WDFY4: variants seen among roughly 807,000 people sequenced by gnomAD.
The protein encoded by WDFY4 is WD repeat- and FYVE domain-containing protein 4.
WDFY4 carries 169 observed loss-of-function variants against 351.9 expected under a neutral mutation model. The observed-to-expected ratio is 0.48, with a 90% CI of 0.42 to 0.55. The LOEUF is 0.55. Ranked by LOEUF, WDFY4 falls within the 20% of genes least tolerant of loss-of-function variation. The pLI, the probability that WDFY4 is intolerant of heterozygous loss-of-function variation, is 0.00. For missense variants in WDFY4, 3,803 were observed against 3,935.6 expected (o/e 0.97, Z 0.90); for synonymous variants, 1,622 against 1,574.6 (o/e 1.03, Z -0.71).
chr10:48,685,330 G>A (rs909883348), intron 1 of WDFY4, among the ~76,000 whole-genome samples: 3 of 152,214 alleles, frequency 2.0e-5, no homozygotes, highest in Admixed American at 6.5e-5. Flanking sequence ...TCGGGGTCCT[G>A]CTATGAAGGG....
At chr10:48,769,597 T>C (rs1186245052) in intron 13 of WDFY4, among the ~76,000 whole-genome samples, 2 of 152,186 alleles carry the variant, frequency 1.3e-5, no homozygotes, top group African/African-American at 2.4e-5. Flanking sequence ...GCACTGGGCC[T>C]CTCTGGTGGT....
At chr10:48,801,410 C>T (rs1340736312) in intron 24 of WDFY4, 2 of 433,590 alleles carry the variant, frequency 4.6e-6, no homozygotes, top group East Asian at 7.3e-5. Context: ...TCTTAGTTCT[C>T]TCAGCCCTTA....
At chr10:48,829,552 A>G (rs2068117488) in intron 37 of WDFY4, among the ~76,000 whole-genome samples, 1 of 152,152 alleles carries the variant, frequency 6.6e-6, no homozygotes, top group Non-Finnish European at 1.5e-5. Context: ...ATGTTGTAAT[A>G]CAAGATTGTA....
At chr10:48,953,051 C>A (rs1323147942) in intron 51 of WDFY4, among the ~76,000 whole-genome samples, 1 of 152,184 alleles carries the variant, frequency 6.6e-6, no homozygotes, top group East Asian at 1.9e-4. Flanking sequence ...TCCCCACCCT[C>A]CTACCTCTGT....
chr10:48,800,183 C>T (rs557226840), intron 24 of WDFY4, among the ~76,000 whole-genome samples: 11 of 152,294 alleles, frequency 7.2e-5, no homozygotes, highest in South Asian at 2.1e-4. Flanking sequence ...CGCGCCCAGC[C>T]GGTTTCGTGT....
intron 39 of WDFY4, among the ~76,000 whole-genome samples, chr10:48,839,764 C>A (rs115000315): frequency 0.011 from 1,624 of 152,198 alleles, 28 homozygotes; most frequent in African/African-American, 0.037. Flanking sequence ...CTTTTGAGTA[C>A]GTAATTAAAG....
chr10:48,779,421 G>A (rs2066144962), intron 18 of WDFY4, among the ~76,000 whole-genome samples: 1 of 152,212 alleles, frequency 6.6e-6, no homozygotes, highest in African/African-American at 2.4e-5. Flanking sequence ...CTGTCCACTT[G>A]TTCTTCTCCT....
chr10:48,701,444 C>A (rs1390194574), intron 1 of WDFY4, among the ~76,000 whole-genome samples: 1 of 152,164 alleles, frequency 6.6e-6, no homozygotes, highest in Non-Finnish European at 1.5e-5. Context: ...TTGTAATTGA[C>A]CTACCTTGTC....
chr10:48,721,925 G>T lies in WDFY4; in HGVS notation c.456+558G>T, dbSNP rs544014887. 3.9e-5 allele frequency among the ~76,000 whole-genome samples: 6 copies of T among 152,202 alleles called. No individual in the cohort carries two copies. The South Asian group carries it at 1.2e-3, about 32-fold the overall frequency. On this transcript the variant is annotated intron_variant, in intron 4 of 61. Coordinates refer to ENST00000325239, the MANE Select transcript of WDFY4 (RefSeq NM_001394531.1). ...GACATTCCCTGTAGGTACCTGTCTC[G>T]CCCTCGCCCAGAGATGAGGGCTCTC...
chr10:48,719,917 T>C (rs1401299177), intron 2 of WDFY4, 94 bp from the exon 3 acceptor site: 6 of 1,152,164 alleles, frequency 5.2e-6, no homozygotes, highest in Non-Finnish European at 7.5e-6. Context: ...AGTCGAGCTG[T>C]CAGCTTGGGC....
intron 44 of WDFY4, among the ~76,000 whole-genome samples, chr10:48,893,998 C>T (rs931195202): frequency 1.3e-5 from 2 of 152,250 alleles, no homozygotes; most frequent in African/African-American, 4.8e-5. Context: ...GCCTGAAATT[C>T]GATTCATTTT....
intron 39 of WDFY4, among the ~76,000 whole-genome samples, chr10:48,843,028 A>G (rs1026304796): frequency 6.6e-6 from 1 of 152,218 alleles, no homozygotes; most frequent in Non-Finnish European, 1.5e-5. Flanking sequence ...CACTGAGGTT[A>G]TGCAAGCTCC....
chr10:48,923,082 A>C (rs1239774141), intron 47 of WDFY4, among the ~76,000 whole-genome samples: 2 of 152,038 alleles, frequency 1.3e-5, no homozygotes, highest in African/African-American at 4.8e-5. Flanking sequence ...AATAGTTGGG[A>C]CTCCATATTC....
chr10:48,833,166 T>TGC (rs1410407932), intron 39 of WDFY4, among the ~76,000 whole-genome samples: 2 of 131,404 alleles, frequency 1.5e-5, no homozygotes, highest in Non-Finnish European at 3.3e-5. Flanking sequence ...TGTGTGTGTG[T>TGC]GTGTGTGAGA....
At chr10:48,736,690 A>G (rs537810197) in intron 11 of WDFY4, among the ~76,000 whole-genome samples, 1 of 152,244 alleles carries the variant, frequency 6.6e-6, no homozygotes, top group South Asian at 2.1e-4. Flanking sequence ...GCCTGTTTCT[A>G]ATAAGTAAGC....
At chr10:48,928,028 C>T (rs1196245649) in intron 47 of WDFY4, among the ~76,000 whole-genome samples, 1 of 152,206 alleles carries the variant, frequency 6.6e-6, no homozygotes, top group Non-Finnish European at 1.5e-5. Flanking sequence ...CTTTGAAGCT[C>T]ATGAGGTGAG....
intron 39 of WDFY4, among the ~76,000 whole-genome samples, chr10:48,837,900 G>C (rs1048900128): frequency 6.6e-6 from 1 of 152,226 alleles, no homozygotes; most frequent in African/African-American, 2.4e-5. Flanking sequence ...CATCAGAGGA[G>C]GGGGACCCAC....
intron 47 of WDFY4, among the ~76,000 whole-genome samples, chr10:48,938,251 A>C (rs1840516969): frequency 6.6e-6 from 1 of 152,262 alleles, no homozygotes; most frequent in Admixed American, 6.5e-5. Context: ...ATGTGTCTGC[A>C]TTAGCTCGGG....
intron 51 of WDFY4, 95 bp from the exon 52 acceptor site, chr10:48,957,034 G>A (rs1490201102): frequency 6.8e-7 from 1 of 1,461,468 alleles, no homozygotes; most frequent in African/African-American, 1.4e-5. Flanking sequence ...GGAGCTAATG[G>A]TGGAACCCGT....
Sources: allele counts gnomAD v4.1 joint callset (sites outside exome capture counted in the v4.1 genomes callset), GRCh38; gene constraint gnomAD v4.1.1; transcripts MANE v1.5; gene names NCBI Gene and HGNC (gene_info 2026-07-23, HGNC 2026-07-21).